The following NEK10 variants were observed in gnomAD, a reference collection of about 807,000 sequenced individuals.
NEK10 encodes serine/threonine-protein kinase Nek10.
In NEK10, 122 loss-of-function variants were observed where a neutral mutation model predicts 159.8. That is an observed-to-expected ratio of 0.76 (90% CI 0.66 to 0.89). The LOEUF is 0.89. Among genes scored for constraint, NEK10 ranks in the 40% least tolerant of loss-of-function variants. The pLI, the probability that NEK10 is intolerant of heterozygous loss-of-function variation, is 0.00. For missense variants in NEK10, 1,342 were observed against 1,323.1 expected, an observed-to-expected ratio of 1.01 and a Z score of -0.22; for synonymous variants, 466 against 457.1, an observed-to-expected ratio of 1.02 and a Z score of -0.25.
intron 23 of NEK10, among the ~76,000 whole-genome samples, chr3:27,207,013 C>A (rs1249358953): frequency 6.6e-6 from 1 of 152,124 alleles, no homozygotes; most frequent in Non-Finnish European, 1.5e-5. Flanking sequence ...TCACTTCAAG[C>A]AATCCTTTTA....
At chr3:27,186,103 G>A (rs533003673) in intron 26 of NEK10, among the ~76,000 whole-genome samples, 2 of 152,340 alleles carry the variant, frequency 1.3e-5, no homozygotes, top group South Asian at 2.1e-4. Context: ...ATAAGTACCT[G>A]TTAGACATGC....
intron 31 of NEK10, among the ~76,000 whole-genome samples, chr3:27,136,647 T>C (rs1186329392): frequency 1.3e-5 from 2 of 152,188 alleles, no homozygotes; most frequent in African/African-American, 4.8e-5. Context: ...ACTGATTTCA[T>C]ACTTAGCTTG....
intron 30 of NEK10, among the ~76,000 whole-genome samples, chr3:27,144,482 C>T (rs1343680458): frequency 1.3e-5 from 2 of 152,276 alleles, no homozygotes; most frequent in South Asian, 2.1e-4. Context: ...GTAACAAATA[C>T]ATTTTTAAGT....
chr3:27,191,969 G>T, intron 26 of NEK10, 60 bp downstream of exon 26: 1 of 1,453,176 alleles, frequency 6.9e-7, no homozygotes, highest in South Asian at 1.2e-5. Flanking sequence ...AAACAAGCAT[G>T]AACAACTTCA....
At chr3:27,210,808 AC>A (rs1246725625) in intron 23 of NEK10, among the ~76,000 whole-genome samples, 1 of 152,216 alleles carries the variant, frequency 6.6e-6, no homozygotes, top group Non-Finnish European at 1.5e-5. Context: ...CTTCACCCCT[AC>A]ACATGATTCA....
chr3:27,151,955 C>G (rs776423880), intron 30 of NEK10, among the ~76,000 whole-genome samples: 8 of 152,158 alleles, frequency 5.3e-5, no homozygotes, highest in South Asian at 2.1e-4. Context: ...GAAAAAGGAA[C>G]AAGAAAATAT....
chr3:27,119,063 C>T (rs1400372011), intron 33 of NEK10, among the ~76,000 whole-genome samples: 2 of 152,204 alleles, frequency 1.3e-5, no homozygotes, highest in Non-Finnish European at 2.9e-5. Flanking sequence ...TTGAAAGCTT[C>T]CTCTTAGAAT....
chr3:27,335,272 G>A (rs2149730845), intron 5 of NEK10, among the ~76,000 whole-genome samples: 1 of 151,638 alleles, frequency 6.6e-6, no homozygotes, highest in Middle Eastern at 3.4e-3. Flanking sequence ...CCTGGGAGTT[G>A]GAGGTTGCAG....
rs751099969 is a variant in NEK10, at chr3:27,301,734, G to T, written c.1130C>A (p.Pro377His). The T allele has an allele frequency of 1.7e-5, 27 of 1,578,002 alleles. No individual in the cohort carries two copies. In the Admixed American group the frequency reaches 4.8e-4, roughly 28 times the overall value. The stretch of plus-strand genomic sequence containing the variant: ...GAAAGTATTTTCTTGTATTTCCCTA[G>T]GGCTCAAGTCTTCTGATAAATGAAG... The part of the protein sequence containing the change: ...QQLHLSEDLS[P>H]REIQENTFSL... The change falls in exon 13 of 36, where the codon CCT (proline) becomes CAT (histidine). Residue 377 changes from proline to histidine, a missense_variant. Transcript: ENST00000691995.
intron 30 of NEK10, among the ~76,000 whole-genome samples, chr3:27,149,316 C>T (rs1403624803): frequency 6.6e-6 from 1 of 151,934 alleles, no homozygotes; most frequent in African/African-American, 2.4e-5. Context: ...TACAAGTATA[C>T]CTCATTTCAT....
intron 30 of NEK10, among the ~76,000 whole-genome samples, chr3:27,149,576 C>G (rs561595317): frequency 6.6e-6 from 1 of 152,148 alleles, no homozygotes; most frequent in South Asian, 2.1e-4. Context: ...TTTGGGGCAC[C>G]ACAAACTGCA....
In NEK10 at chr3:27,116,092, T is replaced by C. The variant is rs748909828; in HGVS notation, c.3226A>G (p.Thr1076Ala). 6 of 1,613,506 alleles carry C rather than the reference T, an allele frequency of 3.7e-6. No homozygotes were observed. In the African/African-American group the frequency reaches 6.7e-5, roughly 18 times the overall value. The change falls in exon 34 of 36, where the codon ACA (threonine) becomes GCA (alanine). Residue 1076 changes from threonine (T) to alanine (A), a missense_variant. By Grantham distance (58) the Thr-to-Ala change is moderately conservative (BLOSUM62 0). Coordinates refer to ENST00000691995, the MANE Select transcript of NEK10 (RefSeq NM_001394966.1). ...PTSIELEEGI[T>A]YEQMQTVIEE... ...AACCTCACCTGCATCTGTTCATATGTTATTCCTTCCTCCAATTCAATGCTG... is the reference window on the plus strand; with the variant it reads ...AACCTCACCTGCATCTGTTCATATGCTATTCCTTCCTCCAATTCAATGCTG...
Position 27,141,494 on chromosome 3 carries a change from G to T in NEK10, c.2958C>A (p.Ile986=). ...QQILIQLHKI[I]YITQLPPALH... is the part of the protein sequence containing the mutation. ...CTAGAACACTGACCTGTGTGATATA[G>T]ATTATTTTGTGCAGCTGAATTAATA... Residue 986 remains isoleucine (I), a synonymous_variant, in exon 31 of 36, where the codon ATC becomes ATA. Coordinates refer to ENST00000691995, the MANE Select transcript of NEK10 (RefSeq NM_001394966.1). 1.2e-6 allele frequency: 2 copies of T among 1,611,954 alleles called. No homozygotes were observed. The highest frequency in any genetic ancestry group is 1.7e-6 in the Non-Finnish European group (2 of 1,178,368).
chr3:27,156,929 G>GATATAT (rs4016654), intron 30 of NEK10, among the ~76,000 whole-genome samples: 377 of 28,322 alleles, frequency 0.013, 23 homozygotes, highest in Non-Finnish European at 0.019. Context: ...TAAAGAAACT[G>GATATAT]ATATATATAT....
chr3:27,274,856 T>C (rs948875722), intron 22 of NEK10, among the ~76,000 whole-genome samples: 1 of 152,118 alleles, frequency 6.6e-6, no homozygotes, highest in Non-Finnish European at 1.5e-5. Flanking sequence ...TACTGCCTAC[T>C]CACTATGTTT....
At chr3:27,278,014 A>T (rs1476949883) in intron 22 of NEK10, among the ~76,000 whole-genome samples, 1 of 152,234 alleles carries the variant, frequency 6.6e-6, no homozygotes, top group Non-Finnish European at 1.5e-5. Flanking sequence ...AAGACCAGAT[A>T]GTAAACATTT....
At chr3:27,359,201 CAAAA>C (rs5847459) in intron 1 of NEK10, among the ~76,000 whole-genome samples, 8 of 135,110 alleles carry the variant, frequency 5.9e-5, no homozygotes, top group African/African-American at 2.2e-4. Flanking sequence ...AACTCCATTT[CAAAA>C]AAAAAAAAAA....
chr3:27,192,527 C>A (rs566140708), intron 25 of NEK10, among the ~76,000 whole-genome samples: 28 of 150,286 alleles, frequency 1.9e-4, no homozygotes, highest in African/African-American at 6.1e-4. Context: ...TCAGGATGGG[C>A]AGATGGGACC....
chr3:27,261,093 C>G (rs2040372131), intron 22 of NEK10, among the ~76,000 whole-genome samples: 2 of 152,050 alleles, frequency 1.3e-5, no homozygotes, highest in South Asian at 2.1e-4. Context: ...TTTATTGCGT[C>G]TATTTGATTC....
Sources: gnomAD v4.1 joint callset for allele counts (sites outside exome capture counted in the v4.1 genomes callset) on GRCh38, gnomAD v4.1.1 for gene constraint, MANE v1.5 for transcripts, NCBI Gene and HGNC (gene_info 2026-07-23, HGNC 2026-07-21) for gene names.